The following AR variants were observed in gnomAD, a reference collection of about 807,000 sequenced individuals.
AR encodes the protein androgen receptor.
AR carries 8 observed loss-of-function variants against 53.9 expected under a neutral mutation model. The observed-to-expected ratio is 0.15, with a 90% CI of 0.09 to 0.27. AR has a LOEUF of 0.27. Among genes scored for constraint, AR ranks in the 10% least tolerant of loss-of-function variants. The pLI, the probability that AR is intolerant of heterozygous loss-of-function variation, is 1.00. For synonymous variants in AR, 359 were observed against 316.4 expected, an observed-to-expected ratio of 1.13 and a Z score of -1.43; for missense variants, 639 against 742.5, an observed-to-expected ratio of 0.86 and a Z score of 1.62.
rs1480539040 is a variant in AR, at chrX:67,545,783, G to A, written c.637G>A (p.Glu213Lys). 8.3e-7 allele frequency: 1 copy of A among 1,210,582 alleles called. No individual in the cohort carries two copies. The highest frequency in any genetic ancestry group is 2.2e-5 in the Admixed American group (1 of 45,928). ...SEGSSSGRAR[E>K]ASGAPTSSKD... ...AGGCAGCAGCAGCGGGAGAGCGAGG[G>A]AGGCCTCGGGGGCTCCCACTTCCTC... Residue 213 changes from glutamate to lysine, a missense_variant, in exon 1 of 8, where the codon GAG (glutamate) becomes AAG (lysine). By Grantham distance (56) the Glu-to-Lys change is moderately conservative. Transcript: ENST00000374690.
chrX:67,657,128 A>C (rs1926630115), intron 2 of AR, among the ~76,000 whole-genome samples: 1 of 111,110 alleles, frequency 9.0e-6, no homozygotes, highest in African/African-American at 3.3e-5. Context: ...TTGGTTGATA[A>C]TTTGGTTGAA....
At chrX:67,571,116 T>C (rs1179314832) in intron 1 of AR, among the ~76,000 whole-genome samples, 2 of 111,393 alleles carry the variant, frequency 1.8e-5, no homozygotes, top group Non-Finnish European at 3.8e-5. Flanking sequence ...TGATGGAAGG[T>C]TACCACCTCT....
chrX:67,608,839 A>G (rs1923748927), intron 1 of AR, among the ~76,000 whole-genome samples: 1 of 111,273 alleles, frequency 9.0e-6, no homozygotes, highest in African/African-American at 3.3e-5. Context: ...TATTTCTTTT[A>G]TGTTTTACTT....
chrX:67,683,089 T>C (rs1391114394), intron 2 of AR, among the ~76,000 whole-genome samples: 1 of 112,012 alleles, frequency 8.9e-6, no homozygotes, highest in Non-Finnish European at 1.9e-5. Flanking sequence ...GGTGTTGTAT[T>C]CCCTGTGTTA....
intron 3 of AR, chrX:67,695,310 G>A: frequency 1.3e-6 from 1 of 754,320 alleles, no homozygotes; most frequent in African/African-American, 2.3e-5. Flanking sequence ...CTGAGCTGAA[G>A]GTAGTAGCTG....
chrX:67,594,893 G>A (rs1003005416), intron 1 of AR, among the ~76,000 whole-genome samples: 1 of 111,693 alleles, frequency 9.0e-6, no homozygotes, highest in Admixed American at 9.5e-5. Flanking sequence ...AGGTTGCAGT[G>A]AGCCAAGATC....
intron 1 of AR, among the ~76,000 whole-genome samples, chrX:67,582,011 G>T (rs183843896): frequency 9.0e-6 from 1 of 111,613 alleles, no homozygotes; most frequent in Non-Finnish European, 1.9e-5. Context: ...TCATTTGTTT[G>T]AAAGATCATC....
intron 1 of AR, among the ~76,000 whole-genome samples, chrX:67,613,763 G>T (rs963791890): frequency 8.9e-6 from 1 of 111,799 alleles, no homozygotes; most frequent in Non-Finnish European, 1.9e-5. Context: ...CCCTGACCAA[G>T]GGGCAACTCC....
intron 3 of AR, among the ~76,000 whole-genome samples, chrX:67,691,149 A>T (rs1368103072): frequency 2.7e-5 from 3 of 112,217 alleles, no homozygotes; most frequent in African/African-American, 9.7e-5. Flanking sequence ...AAGGCCAGCT[A>T]GAGAGAAATT....
chrX:67,671,222 G>A (rs947448085), intron 2 of AR, among the ~76,000 whole-genome samples: 2 of 111,943 alleles, frequency 1.8e-5, no homozygotes, highest in East Asian at 5.6e-4. Context: ...CCCACCAACA[G>A]TGTAAAAGCG....
At position 67,727,897 on chromosome X, in the gene AR, C is replaced by A. The variant is rs1602282922; in HGVS notation, c.*4056C>A. ...ATCCAAAACTTAAAGTCAAAATAAG[C>A]CATTCAGCATGTTCAGTTTCTTGGA... On this transcript the variant is annotated 3_prime_UTR_variant, in exon 8 of 8. Coordinates refer to ENST00000374690, the MANE Select transcript of AR (RefSeq NM_000044.6). 1.2e-5 allele frequency: 2 copies of A among 173,479 alleles called. No homozygotes were observed. Among genetic ancestry groups the A allele is most frequent in the East Asian group, 8.2e-5 (1 of 12,241 alleles). The allele number at this position is 173,479 out of a possible 1,213,427, so 14.3% of individuals were successfully genotyped here. A position where few individuals can be genotyped will look rare whatever the true frequency, so the allele number is the denominator to read the frequency against.
At chrX:67,565,036 G>A (rs1304140784) in intron 1 of AR, among the ~76,000 whole-genome samples, 4 of 111,079 alleles carry the variant, frequency 3.6e-5, no homozygotes, top group Non-Finnish European at 5.7e-5. Context: ...TTTGCCCACC[G>A]CCATTTTCCT....
chrX:67,658,830 A>G (rs1337079), intron 2 of AR, among the ~76,000 whole-genome samples: 7,741 of 111,887 alleles, frequency 0.069, 669 homozygotes, highest in African/African-American at 0.24. Flanking sequence ...GTATATACAA[A>G]AAGGTTCACA....
chrX:67,607,838 C>A (rs920935578), intron 1 of AR, among the ~76,000 whole-genome samples: 2 of 111,532 alleles, frequency 1.8e-5, no homozygotes, highest in East Asian at 2.8e-4. Flanking sequence ...CCAAAAAATT[C>A]TCTGTATTGG....
At chrX:67,661,640 G>T (rs747633268) in intron 2 of AR, among the ~76,000 whole-genome samples, 1 of 111,291 alleles carries the variant, frequency 9.0e-6, no homozygotes, top group Non-Finnish European at 1.9e-5. Flanking sequence ...CAGGGATATC[G>T]GTCTAAAATT....
intron 2 of AR, among the ~76,000 whole-genome samples, chrX:67,668,706 G>A (rs1037089066): frequency 5.4e-5 from 6 of 110,979 alleles, no homozygotes; most frequent in African/African-American, 1.6e-4. Flanking sequence ...CTGCTGGGGA[G>A]ACTTTTCATT....
intron 1 of AR, chrX:67,569,096 C>T: frequency 6.5e-6 from 7 of 1,080,402 alleles, no homozygotes; most frequent in Non-Finnish European, 2.6e-6. Flanking sequence ...TGGACTGTGA[C>T]CTAATATTAC....
rs1259608908 is a variant in AR at position 67,730,107 on chromosome X, T to A, written c.*6266T>A. 5.8e-6 allele frequency: 1 copy of A among 173,718 alleles called. No homozygotes were observed. Among genetic ancestry groups the A allele is most frequent in the Non-Finnish European group, 1.1e-5 (1 of 91,336 alleles). The allele number at this position is 173,718 out of a possible 1,213,427, so 14.3% of individuals were successfully genotyped here. A position where few individuals can be genotyped will look rare whatever the true frequency, so the allele number is the denominator to read the frequency against. On this transcript the variant is annotated 3_prime_UTR_variant, in exon 8 of 8. Transcript: ENST00000374690. ...ATTCTTGTGCTGTCCTTGGAATTAA[T>A]CTGGCAGCAGGAGGGAGCAGACTAT... is the stretch of plus-strand genomic sequence containing the variant.
At chrX:67,671,371 T>A (rs376299762) in intron 2 of AR, among the ~76,000 whole-genome samples, 3 of 112,650 alleles carry the variant, frequency 2.7e-5, no homozygotes, top group Non-Finnish European at 5.6e-5. Context: ...CTTTTTTTCA[T>A]GTTTGTTGGC....
Sources: gnomAD v4.1 joint callset for allele counts (sites outside exome capture counted in the v4.1 genomes callset) on GRCh38, gnomAD v4.1.1 for gene constraint, MANE v1.5 for transcripts, NCBI Gene and HGNC (gene_info 2026-07-23, HGNC 2026-07-21) for gene names.